Variants in RIT2 observed in about 807,000 individuals in gnomAD.
RIT2 encodes GTP-binding protein Rit2.
A neutral mutation model predicts 23.7 loss-of-function variants in RIT2; 24 were observed. The ratio of observed to expected loss-of-function variants is 1.01; its 90% CI spans 0.73 to 1.43. The LOEUF is 1.43. Among genes scored for constraint, RIT2 ranks in the 40% most tolerant of loss-of-function variants. RIT2 has a pLI of 0.00. For synonymous variants in RIT2, 107 were observed against 91.1 expected (o/e 1.17, Z -0.99); for missense variants, 236 against 266.9 (o/e 0.88, Z 0.81).
intron 4 of RIT2, among the ~76,000 whole-genome samples, chr18:42,870,202 C>T (rs1407409498): frequency 6.6e-6 from 1 of 152,166 alleles, no homozygotes; most frequent in Non-Finnish European, 1.5e-5. Flanking sequence ...ATTAACAAAA[C>T]TTGGATAATT....
At chr18:42,895,968 A>G (rs2144100410) in intron 4 of RIT2, among the ~76,000 whole-genome samples, 1 of 152,306 alleles carries the variant, frequency 6.6e-6, no homozygotes, top group East Asian at 1.9e-4. Flanking sequence ...TCAAAGGCAG[A>G]CTTTAGATTT....
At chr18:42,857,927 T>A (rs1422930143) in intron 4 of RIT2, among the ~76,000 whole-genome samples, 1 of 152,154 alleles carries the variant, frequency 6.6e-6, no homozygotes, top group Non-Finnish European at 1.5e-5. Flanking sequence ...ATGCCTGTAA[T>A]CCCAGCACTT....
intron 1 of RIT2, among the ~76,000 whole-genome samples, chr18:43,095,765 C>T (rs2144366596): frequency 6.6e-6 from 1 of 152,036 alleles, no homozygotes; most frequent in East Asian, 1.9e-4. Flanking sequence ...AGTATTAACT[C>T]AAATGACATG....
At chr18:42,915,939 T>C (rs192156449) in intron 4 of RIT2, among the ~76,000 whole-genome samples, 10 of 151,988 alleles carry the variant, frequency 6.6e-5, no homozygotes, top group African/African-American at 1.7e-4. Context: ...CATATGTGTA[T>C]ATATATTTTT....
intron 1 of RIT2, among the ~76,000 whole-genome samples, chr18:43,105,275 T>C (rs546019237): frequency 6.6e-6 from 1 of 152,226 alleles, no homozygotes; most frequent in Non-Finnish European, 1.5e-5. Flanking sequence ...CTAATCAATA[T>C]AAGGATCTAG....
At chr18:42,795,281 A>G (rs1000898717) in intron 4 of RIT2, among the ~76,000 whole-genome samples, 4 of 152,196 alleles carry the variant, frequency 2.6e-5, no homozygotes, top group African/African-American at 9.7e-5. Context: ...GGCTGCGTGC[A>G]GTGCTTGCGG....
At chr18:42,794,805 A>T (rs571380096) in intron 4 of RIT2, among the ~76,000 whole-genome samples, 2 of 152,336 alleles carry the variant, frequency 1.3e-5, no homozygotes, top group Admixed American at 1.3e-4. Flanking sequence ...GGAATGAGAA[A>T]TCTTTGAGGA....
rs371759475 is a variant in RIT2 at position 43,004,033 on chromosome 18, C to G, written c.160+29778G>C. On this transcript the variant is annotated intron_variant, in intron 2 of 4. Coordinates refer to ENST00000326695, the MANE Select transcript of RIT2 (RefSeq NM_002930.4). ...CTGGGTATGCTCTGTACTGATTTTT[C>G]CCCCCGCCAGGTGGCTGTTTCACCT... 1.6e-4 allele frequency among the ~76,000 whole-genome samples: 24 copies of G among 151,762 alleles called. No homozygotes were observed. In the East Asian group the frequency reaches 3.5e-3, roughly 22 times the overall value.
intron 3 of RIT2, among the ~76,000 whole-genome samples, chr18:42,943,310 C>A (rs181221976): frequency 6.6e-6 from 1 of 151,946 alleles, no homozygotes; most frequent in East Asian, 1.9e-4. Flanking sequence ...TTTTCCAATC[C>A]TCTTGCTAGC....
intron 4 of RIT2, among the ~76,000 whole-genome samples, chr18:42,774,120 T>C (rs968382254): frequency 6.6e-6 from 1 of 152,206 alleles, no homozygotes; most frequent in Non-Finnish European, 1.5e-5. Context: ...ATTTTCACAC[T>C]TGTAAAAGTT....
intron 3 of RIT2, among the ~76,000 whole-genome samples, chr18:42,970,484 A>G (rs1910336656): frequency 6.6e-6 from 1 of 152,048 alleles, no homozygotes; most frequent in South Asian, 2.1e-4. Context: ...AATAAGATGA[A>G]GTGCAGGACA....
At chr18:43,031,043 G>C (rs1331753359) in intron 2 of RIT2, among the ~76,000 whole-genome samples, 1 of 151,696 alleles carries the variant, frequency 6.6e-6, no homozygotes, top group Non-Finnish European at 1.5e-5. Context: ...AATGTATTTA[G>C]CTCTCGCTTG....
intron 4 of RIT2, among the ~76,000 whole-genome samples, chr18:42,789,284 G>A (rs1913989615): frequency 6.6e-6 from 1 of 152,108 alleles, no homozygotes; most frequent in Non-Finnish European, 1.5e-5. Context: ...TCTCTAAACA[G>A]GTCTTGATTA....
chr18:43,076,217 A>G (rs1913010138), intron 1 of RIT2, among the ~76,000 whole-genome samples: 1 of 152,204 alleles, frequency 6.6e-6, no homozygotes. Flanking sequence ...TGAAACCTGG[A>G]TATACAGAAT....
At chr18:43,056,066 C>A (rs1439022999) in intron 1 of RIT2, among the ~76,000 whole-genome samples, 1 of 151,998 alleles carries the variant, frequency 6.6e-6, no homozygotes, top group African/African-American at 2.4e-5. Flanking sequence ...GTACAGGGTC[C>A]AGTCCTGTGT....
At chr18:42,903,622 C>T (rs1227819737) in intron 4 of RIT2, among the ~76,000 whole-genome samples, 3 of 152,026 alleles carry the variant, frequency 2.0e-5, no homozygotes, top group African/African-American at 7.2e-5. Context: ...TCACTTCAAT[C>T]CATGACTGCT....
chr18:42,863,532 C>T (rs557430749), intron 4 of RIT2, among the ~76,000 whole-genome samples: 4 of 152,130 alleles, frequency 2.6e-5, no homozygotes, highest in South Asian at 2.1e-4. Context: ...TAAAGAAAAA[C>T]GATCTAGATA....
intron 4 of RIT2, among the ~76,000 whole-genome samples, chr18:42,798,394 GTCTC>G (rs1262517217): frequency 1.3e-5 from 2 of 152,292 alleles, no homozygotes; most frequent in East Asian, 1.9e-4. Flanking sequence ...GCAAGCAACA[GTCTC>G]TCTTTGTTTT....
intron 2 of RIT2, among the ~76,000 whole-genome samples, chr18:43,027,699 C>T (rs568731998): frequency 1.3e-5 from 2 of 152,102 alleles, no homozygotes; most frequent in East Asian, 3.9e-4. Flanking sequence ...AGTCTACGAC[C>T]TGGATGTGTA....
Sources: gnomAD v4.1 joint callset for allele counts (sites outside exome capture counted in the v4.1 genomes callset) on GRCh38, gnomAD v4.1.1 for gene constraint, MANE v1.5 for transcripts, NCBI Gene and HGNC (gene_info 2026-07-23, HGNC 2026-07-21) for gene names.